DLG2: variants seen among roughly 807,000 people sequenced by gnomAD.
DLG2 encodes discs large MAGUK scaffold protein 2.
Under a neutral mutation model 132.5 loss-of-function variants are expected in DLG2, and 45 were observed. The observed-to-expected ratio is 0.34, with a 90% confidence interval of 0.27 to 0.44. The LOEUF is 0.44. Among genes scored for constraint, DLG2 ranks in the 20% least tolerant of loss-of-function variants. The pLI, the probability that DLG2 is intolerant of heterozygous loss-of-function variation, is 1.00. For synonymous variants in DLG2, 424 were observed against 419.6 expected, an observed-to-expected ratio of 1.01 and a Z score of -0.13; for missense variants, 1,045 against 1,196.9, an observed-to-expected ratio of 0.87 and a Z score of 1.87.
chr11:84,248,883 A>C lies in DLG2; in HGVS notation c.573+2355T>G, dbSNP rs552391634. Among the ~76,000 whole-genome samples, 11 of 152,324 alleles carry C rather than the reference A, an allele frequency of 7.2e-5. No individual in the cohort carries two copies. In the East Asian group the frequency reaches 2.1e-3, roughly 29 times the overall value. ...AGCAAGACTCTGTCTCAACAGCAACAACAAAAAAGATGATTAAAAATAATT... is the reference window on the plus strand; with the variant it reads ...AGCAAGACTCTGTCTCAACAGCAACCACAAAAAAGATGATTAAAAATAATT... On this transcript the variant is annotated intron_variant, in intron 8 of 27. Transcript: ENST00000376104.
At chr11:84,193,502 G>A (rs753503545) in intron 8 of DLG2, among the ~76,000 whole-genome samples, 3 of 152,164 alleles carry the variant, frequency 2.0e-5, no homozygotes, top group Non-Finnish European at 4.4e-5. Flanking sequence ...TAATGGAGAA[G>A]TGTTCATTGT....
chr11:84,806,382 A>T (rs1015365165), intron 6 of DLG2, among the ~76,000 whole-genome samples: 2 of 152,218 alleles, frequency 1.3e-5, no homozygotes, highest in African/African-American at 4.8e-5. Context: ...GCAATGATAC[A>T]TTATAGTCAA....
intron 6 of DLG2, among the ~76,000 whole-genome samples, chr11:84,758,589 C>T (rs1312687072): frequency 1.3e-5 from 2 of 152,098 alleles, no homozygotes; most frequent in African/African-American, 4.8e-5. Flanking sequence ...ATAGTTTTCT[C>T]CCCTAGGCCA....
intron 6 of DLG2, among the ~76,000 whole-genome samples, chr11:85,072,292 C>T (rs906546289): frequency 5.9e-5 from 9 of 151,762 alleles, no homozygotes; most frequent in African/African-American, 2.2e-4. Context: ...TTCAATTCTT[C>T]CTGTGTCCAT....
chr11:84,707,516 G>A (rs2059909207), intron 6 of DLG2, among the ~76,000 whole-genome samples: 1 of 151,842 alleles, frequency 6.6e-6, no homozygotes, highest in East Asian at 2.0e-4. Context: ...GAATAAAACA[G>A]AAAGCCAGCA....
intron 4 of DLG2, among the ~76,000 whole-genome samples, chr11:85,192,825 T>G (rs575593490): frequency 6.6e-6 from 1 of 152,200 alleles, no homozygotes; most frequent in South Asian, 2.1e-4. Flanking sequence ...GGTAATAGCA[T>G]GCACTCCATT....
intron 27 of DLG2, 142 bp downstream of exon 27, chr11:83,461,860 C>T (rs1174108472): frequency 6.4e-6 from 4 of 627,094 alleles, no homozygotes; most frequent in East Asian, 5.5e-5. Flanking sequence ...CAGAGGGATA[C>T]TCCTTGTATA....
chr11:83,983,893 A>G (rs1363531614), intron 11 of DLG2, among the ~76,000 whole-genome samples: 3 of 152,100 alleles, frequency 2.0e-5, no homozygotes, highest in Admixed American at 6.6e-5. Context: ...GAAGTTTTAA[A>G]AAATGTATTT....
intron 15 of DLG2, among the ~76,000 whole-genome samples, chr11:83,885,230 A>C (rs959126500): frequency 6.6e-6 from 1 of 152,210 alleles, no homozygotes; most frequent in Non-Finnish European, 1.5e-5. Flanking sequence ...AACTAGAATA[A>C]CCAATACAGA....
intron 6 of DLG2, among the ~76,000 whole-genome samples, chr11:84,651,426 A>G (rs996717625): frequency 7.2e-5 from 11 of 152,290 alleles, no homozygotes; most frequent in African/African-American, 2.6e-4. Context: ...TACTCTTCAT[A>G]CTAAGATGTT....
intron 6 of DLG2, among the ~76,000 whole-genome samples, chr11:85,106,569 C>T (rs775296039): frequency 6.6e-6 from 1 of 151,956 alleles, no homozygotes; most frequent in South Asian, 2.1e-4. Context: ...CCCATGCACT[C>T]CCTTCTGGAA....
chr11:85,206,408 C>A (rs1231841880), intron 4 of DLG2, among the ~76,000 whole-genome samples: 1 of 152,082 alleles, frequency 6.6e-6, no homozygotes, highest in African/African-American at 2.4e-5. Context: ...TAGCTCTGCC[C>A]CTTCAAAGCA....
At position 84,813,651 on chromosome 11, in the gene DLG2, C is replaced by T. The variant is rs1035538466; in HGVS notation, c.358-278920G>A. On this transcript the variant is annotated intron_variant, in intron 6 of 27. Coordinates refer to ENST00000376104, the MANE Select transcript of DLG2 (RefSeq NM_001142699.3). ...GGTGGAATAACAGATATTGAGACAA[C>T]CCCAGGCAGGTCTCAGAATGACATA... 2.0e-5 allele frequency among the ~76,000 whole-genome samples: 3 copies of T among 152,052 alleles called. No homozygotes were observed. The South Asian group carries it at 6.2e-4, about 31-fold the overall frequency.
chr11:84,532,116 C>CGT (rs1565211965), intron 7 of DLG2, among the ~76,000 whole-genome samples: 2 of 69,918 alleles, frequency 2.9e-5, no homozygotes, highest in Admixed American at 1.8e-4. Flanking sequence ...TTGTTCTGTT[C>CGT]ATTTTTTTTT....
intron 9 of DLG2, among the ~76,000 whole-genome samples, chr11:84,160,935 T>C (rs1235574842): frequency 6.6e-6 from 1 of 151,922 alleles, no homozygotes; most frequent in East Asian, 1.9e-4. Context: ...GAGAAGAGAG[T>C]GCTTGAGATT....
At chr11:84,611,662 A>G (rs1387139357) in intron 6 of DLG2, among the ~76,000 whole-genome samples, 4 of 152,156 alleles carry the variant, frequency 2.6e-5, no homozygotes, top group Non-Finnish European at 5.9e-5. Flanking sequence ...AGCTATACAC[A>G]TAACTCCACC....
At chr11:84,834,528 G>A (rs2079458967) in intron 6 of DLG2, among the ~76,000 whole-genome samples, 1 of 151,344 alleles carries the variant, frequency 6.6e-6, no homozygotes. Flanking sequence ...AACCTATTAG[G>A]CAGGCAGAAA....
intron 6 of DLG2, among the ~76,000 whole-genome samples, chr11:84,573,316 CACTT>C (rs145668915): frequency 1.0e-3 from 154 of 152,106 alleles, no homozygotes; most frequent in Non-Finnish European, 1.6e-3. Context: ...CCATTTATAA[CACTT>C]ACAAAATTAA....
intron 6 of DLG2, among the ~76,000 whole-genome samples, chr11:84,642,691 G>A (rs192513757): frequency 6.6e-6 from 1 of 152,230 alleles, no homozygotes; most frequent in Admixed American, 6.5e-5. Flanking sequence ...CACAGCTAGA[G>A]GTTCCCCACT....
Sources: gnomAD v4.1 joint callset for allele counts (sites outside exome capture counted in the v4.1 genomes callset) on GRCh38, gnomAD v4.1.1 for gene constraint, MANE v1.5 for transcripts, NCBI Gene and HGNC (gene_info 2026-07-23, HGNC 2026-07-21) for gene names.